The following ANK3 variants were observed in gnomAD, a reference collection of about 807,000 sequenced individuals.
ANK3 encodes the protein ankyrin-3.
In ANK3, 57 loss-of-function variants were observed where a neutral mutation model predicts 370.9. The observed-to-expected ratio is 0.15, with a 90% CI of 0.12 to 0.19. The LOEUF is 0.19. ANK3 is among the 10% of genes least tolerant of loss of function. ANK3 has a pLI of 1.00. For synonymous variants in ANK3, 1,929 were observed against 1,946.3 expected, an observed-to-expected ratio of 0.99 and a Z score of 0.23; for missense variants, 4,439 against 5,302.1, an observed-to-expected ratio of 0.84 and a Z score of 5.06.
chr10:60,305,962 C>G (rs1235114611), intron 1 of ANK3, among the ~76,000 whole-genome samples: 1 of 151,520 alleles, frequency 6.6e-6, no homozygotes, highest in Non-Finnish European at 1.5e-5. Flanking sequence ...CGCCCTGCCT[C>G]AAGGAAAGTC....
chr10:60,364,502 A>G (rs1287593169), intron 1 of ANK3, among the ~76,000 whole-genome samples: 2 of 151,366 alleles, frequency 1.3e-5, no homozygotes. Context: ...ATGAGAACAC[A>G]TGGACCCAGG....
At chr10:60,644,519 A>T (rs2078681336) in intron 1 of ANK3, among the ~76,000 whole-genome samples, 1 of 152,190 alleles carries the variant, frequency 6.6e-6, no homozygotes, top group Admixed American at 6.5e-5. Flanking sequence ...AATTGTCTTT[A>T]AAAGTACCAA....
chr10:60,598,563 T>C (rs1336249503), intron 2 of ANK3, among the ~76,000 whole-genome samples: 1 of 152,220 alleles, frequency 6.6e-6, no homozygotes, highest in Non-Finnish European at 1.5e-5. Context: ...AAGGAATTGC[T>C]GTATTTGATA....
At chr10:60,122,659 A>G (rs1197694684) in intron 25 of ANK3, among the ~76,000 whole-genome samples, 1 of 152,248 alleles carries the variant, frequency 6.6e-6, no homozygotes, top group Non-Finnish European at 1.5e-5. Context: ...CATATACGTC[A>G]AAGTCTGGCA....
At chr10:60,044,728 A>G (rs2076666719) in intron 42 of ANK3, 1 of 152,156 alleles carries the variant, frequency 6.6e-6, no homozygotes, top group East Asian at 1.9e-4. Flanking sequence ...GTTCTACCGA[A>G]TCTCTAGAGA....
chr10:60,395,297 ATT>A (rs1051516535), intron 2 of ANK3, among the ~76,000 whole-genome samples: 1 of 152,358 alleles, frequency 6.6e-6, no homozygotes, highest in Admixed American at 6.5e-5. Context: ...TTGAAATAAT[ATT>A]TGGGATGTGT....
chr10:60,300,351 C>A, intron 1 of ANK3: 1 of 1,289,610 alleles, frequency 7.8e-7, no homozygotes, highest in Admixed American at 2.3e-5. Flanking sequence ...TCTTCCACTG[C>A]CATTCTCTGT....
At chr10:60,652,093 A>C (rs7090892) in intron 1 of ANK3, among the ~76,000 whole-genome samples, 102,877 of 151,964 alleles carry the variant, frequency 0.68, 34,977 homozygotes, top group South Asian at 0.83. Context: ...ACAGTGGCTC[A>C]TGCCTGTAAT....
At position 60,708,063 on chromosome 10, in the gene ANK3, G is replaced by A. The variant is rs945836118; in HGVS notation, c.57+25200C>T. Among the ~76,000 whole-genome samples, 8 of 152,188 alleles carry A rather than the reference G, an allele frequency of 5.3e-5. No individual in the cohort carries two copies. The East Asian group carries it at 1.2e-3, about 22-fold the overall frequency. On this transcript the variant is annotated intron_variant, in intron 1 of 43. Coordinates refer to the ANK3 transcript ENST00000373827. ...CATGAACTTCCCATGTCTCCACCCC[G>A]TGTGCATTCCTCCCAATGTACAGGC... is the stretch of plus-strand genomic sequence containing the variant.
intron 2 of ANK3, among the ~76,000 whole-genome samples, chr10:60,478,351 T>C (rs981240840): frequency 6.6e-6 from 1 of 152,128 alleles, no homozygotes; most frequent in Non-Finnish European, 1.5e-5. Flanking sequence ...AAAAAATCTG[T>C]AGCTATTTCA....
chr10:60,392,881 A>G (rs925725408), upstream of ANK3, among the ~76,000 whole-genome samples: 2 of 151,946 alleles, frequency 1.3e-5, no homozygotes, highest in Non-Finnish European at 2.9e-5. Context: ...GTGAGCTGAG[A>G]TCACACCACT....
rs139859002 is a variant in ANK3 at position 60,652,224 on chromosome 10, C to T, written c.58-37000G>A. Among the ~76,000 whole-genome samples, 631 of 151,944 alleles carry T rather than the reference C, an allele frequency of 4.2e-3. 6 individuals are homozygous for T. The highest frequency in any genetic ancestry group is 0.014 in the African/African-American group (591 of 41,446). On this transcript the variant is annotated intron_variant, in intron 1 of 43. Coordinates refer to the ANK3 transcript ENST00000373827. ...AGGAGTTCAAGACAGAGCAAGACCT[C>T]GTCTCTACTAAAAATAAAAATAAAA... is the stretch of plus-strand genomic sequence containing the variant.
intron 9 of ANK3, among the ~76,000 whole-genome samples, chr10:60,209,465 T>C (rs1407054642): frequency 6.6e-6 from 1 of 152,176 alleles, no homozygotes; most frequent in East Asian, 1.9e-4. Context: ...TTTCAACTAT[T>C]TGTGTTCCGT....
chr10:60,143,559 T>C (rs1436082578), intron 23 of ANK3, among the ~76,000 whole-genome samples: 1 of 152,220 alleles, frequency 6.6e-6, no homozygotes, highest in Non-Finnish European at 1.5e-5. Flanking sequence ...TAGGTTTATG[T>C]TTTCTAAAGT....
chr10:60,267,128 G>A (rs1197966961), intron 5 of ANK3, among the ~76,000 whole-genome samples: 1 of 152,092 alleles, frequency 6.6e-6, no homozygotes, highest in Non-Finnish European at 1.5e-5. Context: ...AAAGAATTTG[G>A]CAATATCCCA....
intron 25 of ANK3, among the ~76,000 whole-genome samples, chr10:60,127,177 C>G (rs182583775): frequency 1.3e-5 from 2 of 152,280 alleles, no homozygotes; most frequent in Admixed American, 1.3e-4. Context: ...GACAAAGTCT[C>G]AAATTTGAGT....
chr10:60,059,216 A>C (rs1373035722), intron 41 of ANK3, 124 bp downstream of exon 41: 1 of 778,970 alleles, frequency 1.3e-6, no homozygotes, highest in East Asian at 2.5e-5. Context: ...CTGGTCTTTA[A>C]AGCAGGTTTT....
At chr10:60,703,594 T>TA (rs1384710381) in intron 1 of ANK3, among the ~76,000 whole-genome samples, 3 of 152,192 alleles carry the variant, frequency 2.0e-5, no homozygotes, top group African/African-American at 7.2e-5. Context: ...AGCTCTTCTT[T>TA]AAAACAATGA....
chr10:60,506,378 T>C (rs2075941771), intron 2 of ANK3, among the ~76,000 whole-genome samples: 1 of 152,124 alleles, frequency 6.6e-6, no homozygotes, highest in Non-Finnish European at 1.5e-5. Flanking sequence ...ATAACAACTT[T>C]GGCTATTTCC....
Sources: allele counts gnomAD v4.1 joint callset (sites outside exome capture counted in the v4.1 genomes callset), GRCh38; gene constraint gnomAD v4.1.1; transcripts MANE v1.5; gene names NCBI Gene and HGNC (gene_info 2026-07-23, HGNC 2026-07-21).